The following ARMC2 variants were observed in gnomAD, a reference collection of about 807,000 sequenced individuals.
The protein encoded by ARMC2 is armadillo repeat-containing protein 2.
In ARMC2, 67 loss-of-function variants were observed where a neutral mutation model predicts 90.3. The ratio of observed to expected loss-of-function variants is 0.74; its 90% CI spans 0.61 to 0.91. The LOEUF (loss-of-function observed/expected upper bound fraction) is 0.91, where lower values mean the gene tolerates loss of function less well. Among genes scored for constraint, ARMC2 ranks in the 40% least tolerant of loss-of-function variants. The pLI is 0.00. For synonymous variants in ARMC2, 393 were observed against 393.0 expected (o/e 1.00, Z 0.00); for missense variants, 920 against 1,030.9 (o/e 0.89, Z 1.47).
chr6:108,928,495 T>G (rs1180792212), intron 11 of ARMC2, among the ~76,000 whole-genome samples: 1 of 152,194 alleles, frequency 6.6e-6, no homozygotes, highest in African/African-American at 2.4e-5. Flanking sequence ...GAGCTACGTG[T>G]GTGTGTTTAA....
the ARMC2 span, among the ~76,000 whole-genome samples, chr6:108,992,178 AG>A: frequency 5.7e-4 from 87 of 152,346 alleles, no homozygotes; most frequent in Admixed American, 1.7e-3. Flanking sequence ...AACTCACCGC[AG>A]CCTCAACCTT....
chr6:109,018,364 G>A, the ARMC2 span, among the ~76,000 whole-genome samples: 2 of 152,180 alleles, frequency 1.3e-5, no homozygotes, highest in African/African-American at 4.8e-5. Context: ...GTATAAATGT[G>A]TCAGTGATTA....
intron 4 of ARMC2, among the ~76,000 whole-genome samples, chr6:108,873,129 C>T (rs573440632): frequency 5.3e-5 from 8 of 152,304 alleles, no homozygotes; most frequent in Non-Finnish European, 4.4e-5. Flanking sequence ...GCTCAGCCTC[C>T]TCCGTTTTGT....
the ARMC2 span, among the ~76,000 whole-genome samples, chr6:109,031,108 A>G: frequency 6.6e-6 from 1 of 152,336 alleles, no homozygotes; most frequent in East Asian, 1.9e-4. Context: ...GGCTTAAAAG[A>G]TGGGTAAAGG....
intron 5 of ARMC2, among the ~76,000 whole-genome samples, chr6:108,894,179 C>T (rs887771058): frequency 5.3e-5 from 8 of 152,024 alleles, no homozygotes; most frequent in Non-Finnish European, 7.4e-5. Flanking sequence ...GCCTGGACAA[C>T]ATAGTGAGAC....
chr6:108,941,679 G>A (rs1390198912), intron 12 of ARMC2, among the ~76,000 whole-genome samples: 7 of 152,180 alleles, frequency 4.6e-5, no homozygotes, highest in Non-Finnish European at 1.0e-4. Context: ...ATATAACCCA[G>A]AAATTTTAAG....
At chr6:109,021,599 G>A in the ARMC2 span, among the ~76,000 whole-genome samples, 1 of 151,960 alleles carries the variant, frequency 6.6e-6, no homozygotes, top group Non-Finnish European at 1.5e-5. Flanking sequence ...CACCAAGCCT[G>A]GCTAATTTTT....
chr6:108,947,058 A>C (rs1413053468), intron 12 of ARMC2, among the ~76,000 whole-genome samples: 1 of 152,200 alleles, frequency 6.6e-6, no homozygotes, highest in Non-Finnish European at 1.5e-5. Flanking sequence ...CTGTGCTTTA[A>C]GAAGTGGTGT....
intron 5 of ARMC2, among the ~76,000 whole-genome samples, chr6:108,884,568 T>C (rs1010788074): frequency 1.3e-5 from 2 of 152,160 alleles, no homozygotes; most frequent in African/African-American, 4.8e-5. Context: ...GATGGAGCAC[T>C]GTGTTCTTGG....
At chr6:108,963,234 A>T (rs563564208) in intron 15 of ARMC2, among the ~76,000 whole-genome samples, 1 of 152,200 alleles carries the variant, frequency 6.6e-6, no homozygotes, top group Admixed American at 6.5e-5. Context: ...TATGTCTCAA[A>T]TATTAGTATA....
rs571069014 is a variant in ARMC2, at chr6:108,968,127, T to A, written c.2446+2987T>A. On this transcript the variant is annotated intron_variant, in intron 17 of 17. Transcript: ENST00000392644. Reference sequence around the variant, plus strand: ...TGCCTCATACAAAGAAGGTACTTGATAGCTGCATGTGGATTGGCTAACAAT... The same window carrying A: ...TGCCTCATACAAAGAAGGTACTTGAAAGCTGCATGTGGATTGGCTAACAAT... Among the ~76,000 whole-genome samples the A allele has an allele frequency of 1.8e-4, 27 of 152,378 alleles. 1 individual carries two copies. The East Asian group carries it at 5.2e-3, about 29-fold the overall frequency.
chr6:108,861,735 C>A (rs1775263537), intron 3 of ARMC2, among the ~76,000 whole-genome samples: 1 of 152,138 alleles, frequency 6.6e-6, no homozygotes, highest in African/African-American at 2.4e-5. Flanking sequence ...GCCTGAGGAC[C>A]CAGTTCGGCA....
chr6:108,953,453 G>A, intron 13 of ARMC2, 102 bp downstream of exon 13: 2 of 1,215,878 alleles, frequency 1.6e-6, no homozygotes, highest in Non-Finnish European at 2.2e-6. Flanking sequence ...ATTATCACAA[G>A]TGGCTCCCTA....
chr6:108,991,228 A>AGTGTGT, the ARMC2 span, among the ~76,000 whole-genome samples: 4 of 148,148 alleles, frequency 2.7e-5, no homozygotes, highest in East Asian at 2.0e-4. Context: ...TCAAATTATG[A>AGTGTGT]GTGTGTGTGT....
At chr6:109,030,884 ATGCAGGTCTGCTC>A in the ARMC2 span, among the ~76,000 whole-genome samples, 1 of 152,218 alleles carries the variant, frequency 6.6e-6, no homozygotes, top group Non-Finnish European at 1.5e-5. Flanking sequence ...TACAAGTCAA[ATGCAGGTCTGCTC>A]TGACTTCAGG....
chr6:108,912,197 ACT>A, intron 9 of ARMC2, 136 bp from the exon 10 acceptor site: 1 of 651,402 alleles, frequency 1.5e-6, no homozygotes, highest in Non-Finnish European at 2.5e-6. Context: ...ATACTATATA[ACT>A]CTTAACAAGC....
intron 3 of ARMC2, among the ~76,000 whole-genome samples, chr6:108,866,298 C>A (rs779714563): frequency 5.3e-5 from 8 of 152,138 alleles, no homozygotes; most frequent in Non-Finnish European, 7.3e-5. Flanking sequence ...GCTTCATGGC[C>A]TAAGTAACAT....
At chr6:108,925,688 A>G (rs2754820) in intron 10 of ARMC2, among the ~76,000 whole-genome samples, 120,464 of 152,064 alleles carry the variant, frequency 0.79, 47,907 homozygotes, top group South Asian at 0.86. Flanking sequence ...ATTCTGGGAT[A>G]TCTCTGCTTG....
chr6:108,962,088 C>G lies in ARMC2; in HGVS notation c.2113C>G (p.Gln705Glu), dbSNP rs533443042. The change falls in exon 15 of 18, where the codon CAG becomes GAG. Residue 705 changes from glutamine (Q) to glutamate (E), a missense_variant. Coordinates refer to ENST00000392644, the MANE Select transcript of ARMC2 (RefSeq NM_032131.6). The part of the protein sequence containing the change: ...EAVRVFGNLS[Q>E]DHDVCDFIVQ... ...TGTGCGTGTTTTCGGAAATCTCTCC[C>G]AGGACCATGATGTCTGCGATTTCAT... 44 of 1,612,994 alleles carry G rather than the reference C, an allele frequency of 2.7e-5. No individual in the cohort carries two copies. Among genetic ancestry groups the G allele is most frequent in the Non-Finnish European group, 3.6e-5 (43 of 1,179,340 alleles).
Sources: allele counts gnomAD v4.1 joint callset (sites outside exome capture counted in the v4.1 genomes callset), GRCh38; gene constraint gnomAD v4.1.1; transcripts MANE v1.5; gene names NCBI Gene and HGNC (gene_info 2026-07-23, HGNC 2026-07-21).